RDX: variants seen among roughly 807,000 people sequenced by gnomAD.
RDX encodes the protein deafness, autosomal recessive 24.
RDX carries 32 observed loss-of-function variants against 83.7 expected under a neutral mutation model. That is an observed-to-expected ratio of 0.38 (90% CI 0.29 to 0.51). The LOEUF is 0.51. RDX is among the 20% of genes least tolerant of loss of function. RDX has a pLI of 0.87. For missense variants in RDX, 600 were observed against 689.9 expected, an observed-to-expected ratio of 0.87 and a Z score of 1.46; for synonymous variants, 229 against 222.7, an observed-to-expected ratio of 1.03 and a Z score of -0.25.
chr11:110,232,106 G>T, intron 13 of RDX, 73 bp from the exon 14 acceptor site: 1 of 1,220,074 alleles, frequency 8.2e-7, no homozygotes, highest in Non-Finnish European at 1.2e-6. Context: ...ATGGCTTTAA[G>T]ATGCAAAAAT....
At chr11:110,269,172 C>T (rs994748334) in intron 3 of RDX, among the ~76,000 whole-genome samples, 2 of 151,846 alleles carry the variant, frequency 1.3e-5, no homozygotes, top group Admixed American at 1.3e-4. Flanking sequence ...GGAAAAGGTA[C>T]AGTAAAAATA....
rs368429159 is a variant in RDX at position 110,258,200 on chromosome 11, CAAA to C, written c.468-14_468-12del. ...TGTTGTTCCAATACACTAAGAGGAC[CAAA>C]AAAAAAAAAAAATTATAATGACTTT... On this transcript the variant is annotated splice_polypyrimidine_tract_variant and intron_variant, in intron 5 of 13. Coordinates refer to ENST00000645495, the MANE Select transcript of RDX (RefSeq NM_002906.4). 713 of 1,219,096 alleles carry C rather than the reference CAAA, an allele frequency of 5.8e-4. No individual in the cohort carries two copies. Among genetic ancestry groups the C allele is most frequent in the South Asian group, 6.9e-4 (48 of 69,658 alleles). The allele number at this position is 1,219,096 out of a possible 1,614,324, so 75.5% of individuals were successfully genotyped here.
chr11:110,227,964 G>T (rs1469152362), downstream of RDX, among the ~76,000 whole-genome samples: 3 of 152,054 alleles, frequency 2.0e-5, no homozygotes, highest in Non-Finnish European at 4.4e-5. Flanking sequence ...GGAAATCAAA[G>T]TATTGATGAA....
chr11:110,231,025 T>C lies in RDX; in HGVS notation c.*844A>G, dbSNP rs933012439. On this transcript the variant is annotated 3_prime_UTR_variant, in exon 14 of 14. Coordinates refer to ENST00000645495, the MANE Select transcript of RDX (RefSeq NM_002906.4). Reference sequence around the variant, plus strand: ...TTTTTTAACTAATCATTTGTTTTTCTAAATCAGTCTATAAAAGAACAAAAC... The same window carrying C: ...TTTTTTAACTAATCATTTGTTTTTCCAAATCAGTCTATAAAAGAACAAAAC... 1 of 152,628 alleles carries C rather than the reference T, an allele frequency of 6.6e-6. No individual in the cohort carries two copies. 9.5% of individuals were successfully genotyped at this position (152,628 alleles called of 1,614,324 possible).
chr11:110,185,872 G>A (rs545930926), intron 15 of RDX, among the ~76,000 whole-genome samples: 1 of 152,160 alleles, frequency 6.6e-6, no homozygotes, highest in African/African-American at 2.4e-5. Flanking sequence ...GAAAATCCGG[G>A]AACAGGACTG....
At chr11:110,179,234 A>C (rs1173759626) in intron 15 of RDX, among the ~76,000 whole-genome samples, 1 of 152,208 alleles carries the variant, frequency 6.6e-6, no homozygotes, top group Non-Finnish European at 1.5e-5. Flanking sequence ...GTGATGCTGG[A>C]TAAGCTTTTT....
At chr11:110,201,902 T>C (rs1863418790) in intron 14 of RDX, among the ~76,000 whole-genome samples, 1 of 122,950 alleles carries the variant, frequency 8.1e-6, no homozygotes, top group Non-Finnish European at 1.7e-5. Context: ...TCCGGCTAAT[T>C]TTGTGTGTGT....
intron 3 of RDX, among the ~76,000 whole-genome samples, chr11:110,270,555 T>C (rs1216025654): frequency 2.0e-5 from 3 of 152,176 alleles, no homozygotes. Flanking sequence ...TTTACATAGA[T>C]TTTCATTTAA....
chr11:110,277,291 G>C (rs1051459467), intron 2 of RDX, among the ~76,000 whole-genome samples: 3 of 152,006 alleles, frequency 2.0e-5, no homozygotes, highest in African/African-American at 7.3e-5. Flanking sequence ...ATCTACACTG[G>C]ATTATTACCA....
At chr11:110,202,368 T>C (rs1419402741) in intron 14 of RDX, among the ~76,000 whole-genome samples, 1 of 151,922 alleles carries the variant, frequency 6.6e-6, no homozygotes, top group African/African-American at 2.4e-5. Context: ...CATTCCAGCC[T>C]GGGCAAGAGA....
chr11:110,247,025 C>T (rs554590451), intron 10 of RDX, among the ~76,000 whole-genome samples: 7 of 151,768 alleles, frequency 4.6e-5, no homozygotes, highest in South Asian at 2.1e-4. Context: ...TGATGCAATA[C>T]TTTTTTTTTC....
At chr11:110,271,282 A>C (rs1860300507) in intron 3 of RDX, among the ~76,000 whole-genome samples, 2 of 152,230 alleles carry the variant, frequency 1.3e-5, no homozygotes, top group South Asian at 4.1e-4. Flanking sequence ...TAACAAAACC[A>C]AAGTATCTAG....
At chr11:110,222,906 GC>G (rs1301260431) in intron 14 of RDX, among the ~76,000 whole-genome samples, 3 of 152,174 alleles carry the variant, frequency 2.0e-5, no homozygotes, top group Non-Finnish European at 4.4e-5. Flanking sequence ...AAAATGACAA[GC>G]AGTTTAACCA....
chr11:110,197,319 G>A (rs929450308), intron 15 of RDX, among the ~76,000 whole-genome samples: 1 of 152,156 alleles, frequency 6.6e-6, no homozygotes, highest in Non-Finnish European at 1.5e-5. Context: ...AGTGGGAGAC[G>A]GACCAGAACA....
chr11:110,205,046 AC>A (rs1342037956), intron 14 of RDX, among the ~76,000 whole-genome samples: 3 of 152,228 alleles, frequency 2.0e-5, no homozygotes, highest in African/African-American at 7.2e-5. Context: ...AATAGTATTG[AC>A]ACAGGGATAG....
chr11:110,282,035 G>C, intron 1 of RDX, among the ~76,000 whole-genome samples: 1 of 150,934 alleles, frequency 6.6e-6, no homozygotes, highest in Non-Finnish European at 1.5e-5. Context: ...AGGTTGAAGT[G>C]AGCTGAGATC....
chr11:110,180,934 T>C (rs1275423067), intron 15 of RDX, among the ~76,000 whole-genome samples: 1 of 152,132 alleles, frequency 6.6e-6, no homozygotes, highest in Non-Finnish European at 1.5e-5. Context: ...ATGAACTGTG[T>C]GGCTCCTTTA....
At chr11:110,250,509 AT>A (rs1438648659) in intron 9 of RDX, among the ~76,000 whole-genome samples, 1 of 152,158 alleles carries the variant, frequency 6.6e-6, no homozygotes, top group African/African-American at 2.4e-5. Flanking sequence ...CTACCATCAT[AT>A]TCCACCAACT....
At chr11:110,275,527 C>T (rs892953332) in intron 2 of RDX, among the ~76,000 whole-genome samples, 4 of 152,106 alleles carry the variant, frequency 2.6e-5, no homozygotes, top group Non-Finnish European at 2.9e-5. Flanking sequence ...GTTTAACTGA[C>T]CACTCATTCT....
Sources: allele counts gnomAD v4.1 joint callset (sites outside exome capture counted in the v4.1 genomes callset), GRCh38; gene constraint gnomAD v4.1.1; transcripts MANE v1.5; gene names NCBI Gene and HGNC (gene_info 2026-07-23, HGNC 2026-07-21).